Variants in GGA2 observed in about 807,000 individuals in gnomAD.
The protein encoded by GGA2 is ADP-ribosylation factor-binding protein GGA2.
In GGA2, 48 loss-of-function variants were observed where a neutral mutation model predicts 79.5. The observed-to-expected ratio is 0.60, with a 90% CI of 0.48 to 0.77. The LOEUF is 0.77. Ranked by LOEUF, GGA2 falls within the 30% of genes least tolerant of loss-of-function variation. The pLI is 0.00. For missense variants in GGA2, 770 were observed against 774.0 expected, an observed-to-expected ratio of 0.99 and a Z score of 0.06; for synonymous variants, 317 against 302.0, an observed-to-expected ratio of 1.05 and a Z score of -0.51.
Position 23,468,193 on chromosome 16 carries a change from CTATT to C in GGA2, c.1732-497_1732-494del, listed in dbSNP as rs528178509. On this transcript the variant is annotated intron_variant, in intron 16 of 16. Transcript: ENST00000309859. The stretch of plus-strand genomic sequence containing the variant: ...TCTGTCTGTCTGTCTATCTATCTAT[CTATT>C]TGATAGAGTCTCGCTCTGTCACCAG... 2.0e-3 allele frequency among the ~76,000 whole-genome samples: 304 copies of C among 152,084 alleles called. 1 individual carries two copies. Among genetic ancestry groups the C allele is most frequent in the Non-Finnish European group, 1.2e-3 (83 of 67,962 alleles).
Position 23,509,940 on chromosome 16 carries a change from G to A in GGA2, c.91+381C>T, listed in dbSNP as rs1016220877. The stretch of plus-strand genomic sequence containing the variant: ...CCTCAAGGTCCCCGCTTCCGTAGTG[G>A]GGTTAATAATAGAAGCCAGCTCGGG... On this transcript the variant is annotated intron_variant, in intron 1 of 16. Transcript: ENST00000309859. Among the ~76,000 whole-genome samples, 13 of 151,898 alleles carry A rather than the reference G, an allele frequency of 8.6e-5. 1 individual carries two copies. The highest frequency in any genetic ancestry group is 1.3e-4 in the Non-Finnish European group (9 of 67,996).
chr16:23,506,897 C>CG (rs1964979662), intron 1 of GGA2, among the ~76,000 whole-genome samples: 1 of 151,820 alleles, frequency 6.6e-6, no homozygotes, highest in Non-Finnish European at 1.5e-5. Flanking sequence ...GCCAGGTCCC[C>CG]CTTTTTGCTC....
intron 8 of GGA2, among the ~76,000 whole-genome samples, chr16:23,483,417 C>T (rs1405191316): frequency 2.6e-5 from 4 of 152,248 alleles, no homozygotes; most frequent in African/African-American, 9.6e-5. Context: ...TTTGGAAAGA[C>T]AGTAGTTCAT....
intron 2 of GGA2, among the ~76,000 whole-genome samples, chr16:23,494,838 T>C (rs539990823): frequency 6.6e-6 from 1 of 152,204 alleles, no homozygotes; most frequent in South Asian, 2.1e-4. Flanking sequence ...TCCCAGCACT[T>C]TGGGAGGTCA....
At chr16:23,492,417 A>C (rs1030798918) in intron 4 of GGA2, among the ~76,000 whole-genome samples, 1 of 152,224 alleles carries the variant, frequency 6.6e-6, no homozygotes, top group Non-Finnish European at 1.5e-5. Flanking sequence ...TTGACCGATC[A>C]TGCCTAGGTA....
intron 1 of GGA2, among the ~76,000 whole-genome samples, chr16:23,496,170 A>G (rs1964852954): frequency 6.6e-6 from 1 of 151,652 alleles, no homozygotes; most frequent in Non-Finnish European, 1.5e-5. Context: ...AGGCATGGTG[A>G]TCCATGCCTG....
At chr16:23,512,037 G>C (rs1428728309), upstream of GGA2, among the ~76,000 whole-genome samples, 1 of 152,210 alleles carries the variant, frequency 6.6e-6, no homozygotes, top group African/African-American at 2.4e-5. Flanking sequence ...GGAAGGTTGT[G>C]CTGTCTAGAC....
At chr16:23,495,078 GA>G (rs758673521) in intron 2 of GGA2, among the ~76,000 whole-genome samples, 256 of 106,562 alleles carry the variant, frequency 2.4e-3, no homozygotes, top group African/African-American at 7.5e-3. Flanking sequence ...TCTGTCTCAG[GA>G]AAAAAAAAAA....
chr16:23,480,216 C>T (rs1485772319), intron 10 of GGA2: 2 of 345,492 alleles, frequency 5.8e-6, no homozygotes, highest in Non-Finnish European at 1.1e-5. Context: ...ACCCACAGTG[C>T]TTGAAAGACG....
chr16:23,507,177 A>G (rs1265130403), intron 1 of GGA2, among the ~76,000 whole-genome samples: 1 of 152,132 alleles, frequency 6.6e-6, no homozygotes, highest in Non-Finnish European at 1.5e-5. Context: ...TCCCCAAATT[A>G]TGGGCCAAAG....
intron 1 of GGA2, among the ~76,000 whole-genome samples, chr16:23,497,169 C>T (rs1964867082): frequency 6.6e-6 from 1 of 152,054 alleles, no homozygotes; most frequent in African/African-American, 2.4e-5. Flanking sequence ...CTGGCCTGCC[C>T]AGCCTCTCTG....
Position 23,491,737 on chromosome 16 carries a change from T to C in GGA2, c.415A>G (p.Thr139Ala), listed in dbSNP as rs1187213744. 4 of 1,611,252 alleles carry C rather than the reference T, an allele frequency of 2.5e-6. No homozygotes were observed. The highest frequency in any genetic ancestry group is 2.7e-5 in the African/African-American group (2 of 74,798). The part of the protein sequence containing the change: ...GRVIEILFSW[T>A]VWFPEDIKIR... The stretch of plus-strand genomic sequence containing the variant: ...TTGATGTCTTCCGGAAACCAGACTG[T>C]CCAACTGAAGAGTATTTCAATGACT... Residue 139 changes from threonine to alanine, a missense_variant, in exon 5 of 17, where the codon ACA (threonine) becomes GCA (alanine). Transcript: ENST00000309859.
Position 23,521,455 on chromosome 16 carries a change from A to G in GGA2, c.8+338T>C, listed in dbSNP as rs567730691. 5.3e-5 allele frequency among the ~76,000 whole-genome samples: 8 copies of G among 151,526 alleles called. No individual in the cohort carries two copies. In the East Asian group the frequency reaches 1.6e-3, roughly 30 times the overall value. On this transcript the variant is annotated intron_variant, in intron 1 of 5. Coordinates refer to the GGA2 transcript ENST00000569300. ...TGCTCTGTTGCCCAGGTTAGAGTGC[A>G]GTAGTGCATTCATAGCTCACTGCAG... is the stretch of plus-strand genomic sequence containing the variant.
intron 1 of GGA2, among the ~76,000 whole-genome samples, chr16:23,510,065 C>T (rs1270769697): frequency 1.8e-5 from 2 of 109,172 alleles, no homozygotes; most frequent in Admixed American, 1.2e-4. Context: ...GGTCGGGGTC[C>T]TGTGCTGCTG....
intron 14 of GGA2, among the ~76,000 whole-genome samples, chr16:23,471,376 A>G (rs891299934): frequency 1.3e-5 from 2 of 152,046 alleles, no homozygotes; most frequent in Non-Finnish European, 2.9e-5. Context: ...TTGAGGGGGG[A>G]AAACTATGTA....
chr16:23,486,178 A>G (rs766589249), intron 7 of GGA2, 26 bp from the exon 8 acceptor site: 2 of 1,611,652 alleles, frequency 1.2e-6, no homozygotes, highest in Non-Finnish European at 1.7e-6. Context: ...GGAGGATGGG[A>G]GTGAGGGAGC....
At chr16:23,477,037 G>A (rs1440374780) in intron 13 of GGA2, among the ~76,000 whole-genome samples, 4 of 152,112 alleles carry the variant, frequency 2.6e-5, no homozygotes, top group African/African-American at 9.7e-5. Context: ...CTGCAGCCTC[G>A]ACTTTCCGGG....
chr16:23,470,984 C>G (rs1000901423), intron 14 of GGA2, among the ~76,000 whole-genome samples: 1 of 151,890 alleles, frequency 6.6e-6, no homozygotes, highest in Non-Finnish European at 1.5e-5. Context: ...CATGCACCAC[C>G]ACGCCTGGCT....
At chr16:23,483,847 A>G (rs1344570311) in intron 8 of GGA2, among the ~76,000 whole-genome samples, 10 of 151,032 alleles carry the variant, frequency 6.6e-5, no homozygotes, top group African/African-American at 2.4e-4. Flanking sequence ...GGGTTTCTCC[A>G]TGTTGGTCAG....
Sources: gnomAD v4.1 joint callset for allele counts (sites outside exome capture counted in the v4.1 genomes callset) on GRCh38, gnomAD v4.1.1 for gene constraint, MANE v1.5 for transcripts, NCBI Gene and HGNC (gene_info 2026-07-23, HGNC 2026-07-21) for gene names.